The following MDM1 variants were observed in gnomAD, a reference collection of about 807,000 sequenced individuals.
MDM1 encodes stabilizer of axonemal microtubules 6.
Under a neutral mutation model 89.1 loss-of-function variants are expected in MDM1, and 61 were observed. The observed-to-expected ratio is 0.68, with a 90% CI of 0.56 to 0.85. The LOEUF (loss-of-function observed/expected upper bound fraction) is 0.85. MDM1 is among the 40% of genes least tolerant of loss of function. MDM1 has a pLI of 0.00. For missense variants in MDM1, 820 were observed against 846.5 expected, an observed-to-expected ratio of 0.97 and a Z score of 0.39; for synonymous variants, 290 against 294.1, an observed-to-expected ratio of 0.99 and a Z score of 0.14.
chr12:68,327,567 T>C (rs1876191391), intron 2 of MDM1: 1 of 1,477,290 alleles, frequency 6.8e-7, no homozygotes, highest in South Asian at 1.2e-5. Context: ...AATTTCTCTA[T>C]ATTTCTGTAT....
chr12:68,306,286 C>T (rs1248007452), intron 12 of MDM1, among the ~76,000 whole-genome samples: 1 of 151,388 alleles, frequency 6.6e-6, no homozygotes, highest in Non-Finnish European at 1.5e-5. Context: ...TTAAAGACTT[C>T]AATGTAAGAC....
At chr12:68,297,057 G>GT in intron 13 of MDM1, 75 bp from the exon 14 acceptor site, 2 of 982,002 alleles carry the variant, frequency 2.0e-6, no homozygotes, top group Non-Finnish European at 2.9e-6. Context: ...ATACTAAACT[G>GT]TTAGTAAAAG....
Position 68,295,178 on chromosome 12 carries a change from C to A in MDM1, c.*76G>T. The stretch of plus-strand genomic sequence containing the variant: ...AGAAAACGTTAGGAAAAACTTCACT[C>A]AAAAAATTTTAACACAGTAAGCAAT... On this transcript the variant is annotated 3_prime_UTR_variant, in exon 15 of 15. Coordinates refer to ENST00000682720, the MANE Select transcript of MDM1 (RefSeq NM_001354969.2). 1.1e-6 allele frequency: 1 copy of A among 909,238 alleles called. No individual in the cohort carries two copies. Among genetic ancestry groups the A allele is most frequent in the Non-Finnish European group, 1.7e-6 (1 of 584,226 alleles). The allele number at this position is 909,238 out of a possible 1,614,324, so 56.3% of individuals were successfully genotyped here. A position where few individuals can be genotyped will look rare whatever the true frequency, so the allele number is the denominator to read the frequency against.
At chr12:68,325,947 A>T in intron 3 of MDM1, 2 of 996,334 alleles carry the variant, frequency 2.0e-6, no homozygotes, top group Non-Finnish European at 2.4e-6. Flanking sequence ...TGCCTGCCAG[A>T]CTCACACATC....
intron 2 of MDM1, chr12:68,327,382 G>T: frequency 6.5e-7 from 1 of 1,535,018 alleles, no homozygotes; most frequent in South Asian, 1.2e-5. Context: ...CTACTTAACA[G>T]AACAATGGGC....
In MDM1 at chr12:68,302,661, C is replaced by T. The variant is rs754432610; in HGVS notation, c.1961G>A (p.Arg654Gln). ...TGGATCTCTAAGAGAGCCCTGAATT[C>T]GTCGAGAGGGATGCCAGTAGGATGG... ...HVPSYWHPSR[R>Q]IQGSLRDPEF... The change falls in exon 13 of 15, where the codon CGA (arginine) becomes CAA (glutamine). Residue 654 changes from arginine (R) to glutamine (Q), a missense_variant. Coordinates refer to ENST00000682720, the MANE Select transcript of MDM1 (RefSeq NM_001354969.2). 32 of 1,613,700 alleles carry T rather than the reference C, an allele frequency of 2.0e-5. No individual in the cohort carries two copies. The highest frequency in any genetic ancestry group is 2.7e-5 in the African/African-American group (2 of 74,984).
chr12:68,315,145 G>A lies in MDM1; in HGVS notation c.1332C>T (p.Pro444=). 1 of 1,614,116 alleles carries A rather than the reference G, an allele frequency of 6.2e-7. No homozygotes were observed. The highest frequency in any genetic ancestry group is 8.5e-7 in the Non-Finnish European group (1 of 1,180,030). Reference sequence around the variant, plus strand: ...CCAGCCGCCTTCTAACGGGTATGGTGGGAGCTGACACACCCAATTTCTCCG... The same window carrying A: ...CCAGCCGCCTTCTAACGGGTATGGTAGGAGCTGACACACCCAATTTCTCCG... The part of the protein sequence containing the change: ...NTTEKLGVSA[P]TIPVRRRLAW... Residue 444 remains proline (P), a synonymous_variant, in exon 10 of 15, where the codon CCC becomes CCT. Transcript: ENST00000682720.
chr12:68,297,902 C>T (rs1052553230), intron 13 of MDM1, among the ~76,000 whole-genome samples: 4 of 152,154 alleles, frequency 2.6e-5, no homozygotes, highest in African/African-American at 4.8e-5. Context: ...AACTAACAGA[C>T]GGCATGTGGA....
chr12:68,296,221 T>C (rs555072675), intron 14 of MDM1, among the ~76,000 whole-genome samples: 12 of 152,342 alleles, frequency 7.9e-5, no homozygotes, highest in South Asian at 4.1e-4. Context: ...TACAAAAGGC[T>C]GGGCATGGTG....
chr12:68,323,015 C>T (rs771563015), intron 5 of MDM1, 58 bp downstream of exon 5: 7 of 1,523,676 alleles, frequency 4.6e-6, no homozygotes, highest in East Asian at 2.4e-5. Context: ...TAAACGAAAA[C>T]GTGGAGAATC....
chr12:68,324,496 C>T (rs904745392), intron 4 of MDM1, among the ~76,000 whole-genome samples: 2 of 151,930 alleles, frequency 1.3e-5, no homozygotes, highest in African/African-American at 4.8e-5. Context: ...ATAATTAAGC[C>T]CAAAGCTGCC....
intron 12 of MDM1, among the ~76,000 whole-genome samples, chr12:68,308,600 G>A (rs923836819): frequency 9.2e-5 from 14 of 152,046 alleles, no homozygotes; most frequent in East Asian, 1.9e-4. Flanking sequence ...AATTCACAGC[G>A]CTTACTACTA....
chr12:68,297,366 G>A (rs1276972793), intron 13 of MDM1, among the ~76,000 whole-genome samples: 3 of 152,152 alleles, frequency 2.0e-5, no homozygotes, highest in African/African-American at 7.2e-5. Context: ...AAAGAGAATG[G>A]GAGCAAATAA....
At chr12:68,307,894 C>T (rs561607035) in intron 12 of MDM1, among the ~76,000 whole-genome samples, 1 of 147,154 alleles carries the variant, frequency 6.8e-6, no homozygotes, top group Non-Finnish European at 1.5e-5. Flanking sequence ...GCCAAGATCG[C>T]ACCACTATAC....
intron 12 of MDM1, among the ~76,000 whole-genome samples, chr12:68,312,428 C>G (rs548301624): frequency 6.6e-6 from 1 of 152,284 alleles, no homozygotes; most frequent in South Asian, 2.1e-4. Flanking sequence ...TATCCATCAG[C>G]AAATCTTGTT....
At chr12:68,327,147 C>T (rs1336783125) in intron 2 of MDM1, 126 bp from the exon 3 acceptor site, 79 of 1,400,276 alleles carry the variant, frequency 5.6e-5, no homozygotes, top group East Asian at 3.5e-4. Context: ...CCTATATATA[C>T]ACACAATATC....
In MDM1 at chr12:68,295,157, A is replaced by G. The variant is rs914589526; in HGVS notation, c.*97T>C. The G allele has an allele frequency of 4.2e-6, 3 of 707,448 alleles. No homozygotes were observed. The African/African-American group carries it at 5.4e-5, about 13-fold the overall frequency. 43.8% of individuals were successfully genotyped at this position (707,448 alleles called of 1,614,324 possible). A position where few individuals can be genotyped will look rare whatever the true frequency, so the allele number is the denominator to read the frequency against. Reference sequence around the variant, plus strand: ...GGAAATTAAATATTTCAAAGTAGAAAACGTTAGGAAAAACTTCACTCAAAA... The same window carrying G: ...GGAAATTAAATATTTCAAAGTAGAAGACGTTAGGAAAAACTTCACTCAAAA... On this transcript the variant is annotated 3_prime_UTR_variant, in exon 15 of 15. Transcript: ENST00000682720.
intron 3 of MDM1, 82 bp downstream of exon 3, chr12:68,326,575 C>T: frequency 6.2e-7 from 1 of 1,613,136 alleles, no homozygotes; most frequent in Non-Finnish European, 8.5e-7. Flanking sequence ...TTCTGAAACA[C>T]AAAATGTAAT....
intron 9 of MDM1, among the ~76,000 whole-genome samples, chr12:68,315,755 T>C (rs566210872): frequency 3.5e-4 from 53 of 152,334 alleles, no homozygotes; most frequent in African/African-American, 1.2e-3. Flanking sequence ...AGTCTCTACT[T>C]TTTTATTGTT....
Sources: gnomAD v4.1 joint callset for allele counts (sites outside exome capture counted in the v4.1 genomes callset) on GRCh38, gnomAD v4.1.1 for gene constraint, MANE v1.5 for transcripts, NCBI Gene and HGNC (gene_info 2026-07-23, HGNC 2026-07-21) for gene names.